COLQ: variants seen among roughly 807,000 people sequenced by gnomAD.
COLQ encodes collagen like tail subunit of asymmetric acetylcholinesterase.
COLQ carries 48 observed loss-of-function variants against 69.0 expected under a neutral mutation model. That is an observed-to-expected ratio of 0.70 (90% confidence interval 0.55 to 0.88). The LOEUF (loss-of-function observed/expected upper bound fraction) is 0.88. Ranked by LOEUF, COLQ falls within the 40% of genes least tolerant of loss-of-function variation. The pLI, the probability that COLQ is intolerant of heterozygous loss-of-function variation, is 0.00. For missense variants in COLQ, 618 were observed against 594.6 expected (o/e 1.04, Z -0.41); for synonymous variants, 217 against 211.2 (o/e 1.03, Z -0.24).
Position 15,485,794 on chromosome 3 carries a change from C to T in COLQ, c.321+2412G>A, listed in dbSNP as rs537832220. 2.6e-5 allele frequency among the ~76,000 whole-genome samples: 4 copies of T among 152,218 alleles called. No individual in the cohort carries two copies. The South Asian group carries it at 8.3e-4, about 32-fold the overall frequency. ...TCAATGTGTTGAGACCCTGTCTCTA[C>T]AAAATATTAAGAAATTAGCCAGGCA... On this transcript the variant is annotated intron_variant, in intron 3 of 16. Transcript: ENST00000383788.
intron 3 of COLQ, among the ~76,000 whole-genome samples, chr3:15,486,840 G>A (rs992218028): frequency 1.3e-5 from 2 of 152,202 alleles, no homozygotes; most frequent in Admixed American, 6.5e-5. Flanking sequence ...CACAGACCAA[G>A]GTTTGATACA....
chr3:15,498,655 C>A, intron 1 of COLQ: 1 of 1,550,860 alleles, frequency 6.4e-7, no homozygotes, highest in Non-Finnish European at 8.7e-7. Context: ...ATTCGTCACG[C>A]CTCTGAGTGC....
At chr3:15,468,840 G>A (rs1173808966) in intron 11 of COLQ, among the ~76,000 whole-genome samples, 1 of 152,154 alleles carries the variant, frequency 6.6e-6, no homozygotes, top group Non-Finnish European at 1.5e-5. Flanking sequence ...CAGCTTCCTT[G>A]AGAATAACCT....
rs760343679 is a variant in COLQ, at chr3:15,456,565, G to T, written c.969C>A (p.Asn323Lys). Residue 323 changes from asparagine to lysine, a missense_variant, in exon 14 of 17, where the codon AAC becomes AAA. Transcript: ENST00000383788. ...SPRVPVIFVV[N>K]NQEELERLNT... is the part of the protein sequence containing the mutation. ...TCAGCCTCTCAAGCTCCTCCTGGTT[G>T]TTGACCACAAAAATCTGCCAGAGAA... is the stretch of plus-strand genomic sequence containing the variant. 9 of 1,613,984 alleles carry T rather than the reference G, an allele frequency of 5.6e-6. No homozygotes were observed. The African/African-American group carries it at 6.7e-5, about 12-fold the overall frequency.
In COLQ at chr3:15,513,010, C is replaced by G. The variant is rs368643640; in HGVS notation, c.106+8510G>C. ...CTGATGTGGAATGTTGACCCAGGCACTGTGTGACTGCACCTCTATGAATGT... is the reference window on the plus strand; with the variant it reads ...CTGATGTGGAATGTTGACCCAGGCAGTGTGTGACTGCACCTCTATGAATGT... On this transcript the variant is annotated intron_variant, in intron 1 of 16. Coordinates refer to ENST00000383788, the MANE Select transcript of COLQ (RefSeq NM_005677.4). Among the ~76,000 whole-genome samples the G allele has an allele frequency of 2.0e-4, 31 of 152,358 alleles. No individual in the cohort carries two copies. The South Asian group carries it at 6.4e-3, about 32-fold the overall frequency.
intron 12 of COLQ, among the ~76,000 whole-genome samples, chr3:15,462,510 G>C (rs1036606075): frequency 2.6e-5 from 4 of 152,156 alleles, no homozygotes; most frequent in African/African-American, 9.7e-5. Flanking sequence ...TCAATCCAAA[G>C]AGATGGTCCC....
At chr3:15,517,566 G>A (rs2063079304) in intron 1 of COLQ, among the ~76,000 whole-genome samples, 1 of 152,144 alleles carries the variant, frequency 6.6e-6, no homozygotes, top group Admixed American at 6.5e-5. Flanking sequence ...AGACCCATAA[G>A]TGAGTCCAGC....
chr3:15,466,483 A>C (rs1166744719), intron 11 of COLQ, 46 bp from the exon 12 acceptor site: 2 of 1,519,752 alleles, frequency 1.3e-6, no homozygotes. Context: ...ATGACATAGC[A>C]AGCTTCCCGC....
At chr3:15,501,121 C>T (rs1007269678) in intron 1 of COLQ, among the ~76,000 whole-genome samples, 12 of 152,242 alleles carry the variant, frequency 7.9e-5, no homozygotes, top group Non-Finnish European at 1.3e-4. Context: ...CAGTTCACCA[C>T]GGCAAGAGCT....
At chr3:15,515,370 AC>A (rs1387317368) in intron 1 of COLQ, among the ~76,000 whole-genome samples, 1 of 152,184 alleles carries the variant, frequency 6.6e-6, no homozygotes, top group Non-Finnish European at 1.5e-5. Flanking sequence ...CACAATTTGC[AC>A]CCAGGACCCC....
At chr3:15,452,776 G>T (rs749808553) in intron 16 of COLQ, among the ~76,000 whole-genome samples, 1 of 152,196 alleles carries the variant, frequency 6.6e-6, no homozygotes, top group Non-Finnish European at 1.5e-5. Flanking sequence ...GGGGGAGACT[G>T]GGGGAGACTA....
At chr3:15,497,649 C>G (rs552952881) in intron 1 of COLQ, among the ~76,000 whole-genome samples, 7 of 152,326 alleles carry the variant, frequency 4.6e-5, no homozygotes, top group South Asian at 4.1e-4. Flanking sequence ...CAGCTTTTTA[C>G]TTCCTCCTCC....
At chr3:15,456,813 CT>C (rs377236237) in intron 13 of COLQ, among the ~76,000 whole-genome samples, 2 of 122,518 alleles carry the variant, frequency 1.6e-5, no homozygotes, top group African/African-American at 5.5e-5. Context: ...TCGGATTTAA[CT>C]TTTTTTTCTT....
chr3:15,456,757 T>C (rs1047943631), intron 13 of COLQ, among the ~76,000 whole-genome samples, 178 bp from the exon 14 acceptor site: 8 of 152,334 alleles, frequency 5.3e-5, no homozygotes, highest in Non-Finnish European at 1.2e-4. Context: ...TCCCTCATCT[T>C]CTCAATCGAG....
At chr3:15,505,312 G>A (rs2062893917) in intron 1 of COLQ, among the ~76,000 whole-genome samples, 5 of 152,118 alleles carry the variant, frequency 3.3e-5, no homozygotes, top group Admixed American at 3.3e-4. Flanking sequence ...ATGTCTTGAG[G>A]AGGAAAAGTC....
In COLQ at chr3:15,455,914, C is replaced by T; in HGVS notation, c.1180G>A (p.Gly394Ser). Residue 394 changes from glycine (G) to serine (S), a missense_variant, in exon 15 of 17, where the codon GGT becomes AGT. Gly to Ser is a moderately conservative substitution (Grantham distance 56). Coordinates refer to ENST00000383788, the MANE Select transcript of COLQ (RefSeq NM_005677.4). ...CCTCACTCACGGATGCAGTCGTCAC[C>T]CACATCGCTGTTACCGTCGTCACAC... ...EECDDGNSDV[G>S]DDCIRCHRAY... is the part of the protein sequence containing the mutation. 1 of 1,614,166 alleles carries T rather than the reference C, an allele frequency of 6.2e-7. No homozygotes were observed. The highest frequency in any genetic ancestry group is 1.1e-5 in the South Asian group (1 of 91,078).
intron 3 of COLQ, 26 bp from the exon 4 acceptor site, chr3:15,479,408 GA>G: frequency 6.2e-7 from 1 of 1,612,632 alleles, no homozygotes; most frequent in South Asian, 1.1e-5. Context: ...AAAAAGTGAA[GA>G]AAGTATATAT....
chr3:15,500,334 T>C (rs58434726), intron 1 of COLQ, among the ~76,000 whole-genome samples: 59 of 152,350 alleles, frequency 3.9e-4, no homozygotes, highest in African/African-American at 1.4e-3. Flanking sequence ...CATCACATTT[T>C]CCTGACTTTC....
At position 15,455,917 on chromosome 3, in the gene COLQ, C is replaced by T; in HGVS notation, c.1177G>A (p.Val393Met). The change falls in exon 15 of 17, where the codon GTG becomes ATG. Residue 393 changes from valine to methionine, a missense_variant. Coordinates refer to ENST00000383788, the MANE Select transcript of COLQ (RefSeq NM_005677.4). ...GEECDDGNSDVGDDCIRCHRA... is the reference protein window; with the variant it reads ...GEECDDGNSDMGDDCIRCHRA... ...CACTCACGGATGCAGTCGTCACCCA[C>T]ATCGCTGTTACCGTCGTCACACTCC... 1.2e-6 allele frequency: 2 copies of T among 1,614,184 alleles called. No homozygotes were observed. The highest frequency in any genetic ancestry group is 1.1e-5 in the South Asian group (1 of 91,086).
Sources: allele counts gnomAD v4.1 joint callset (sites outside exome capture counted in the v4.1 genomes callset), GRCh38; gene constraint gnomAD v4.1.1; transcripts MANE v1.5; gene names NCBI Gene and HGNC (gene_info 2026-07-23, HGNC 2026-07-21).